Variants in PRPS2 observed in about 807,000 individuals in gnomAD.
PRPS2 encodes the protein phosphoribosyl pyrophosphate synthetase 2, also known as ribose-phosphate pyrophosphokinase 2.
For missense variants in PRPS2, 104 were observed against 271.5 expected (o/e 0.38, Z 4.34); for synonymous variants, 111 against 115.3 (o/e 0.96, Z 0.24).
chrX:12,799,992 T>G (rs1362038781), intron 2 of PRPS2, among the ~76,000 whole-genome samples: 2 of 112,349 alleles, frequency 1.8e-5, no homozygotes, highest in African/African-American at 6.5e-5. Context: ...GGAGGCTCTG[T>G]GAGTCTTTAG....
At chrX:12,791,700 C>G (rs2042519454) in intron 1 of PRPS2, 81 bp downstream of exon 1, 5 of 832,835 alleles carry the variant, frequency 6.0e-6, no homozygotes, top group Non-Finnish European at 7.3e-6. Context: ...GGCGCCTGCC[C>G]GGGCCACCTC....
intron 2 of PRPS2, among the ~76,000 whole-genome samples, chrX:12,801,246 GTGTGTGTA>G (rs1213916177): frequency 1.9e-5 from 2 of 107,246 alleles, no homozygotes; most frequent in African/African-American, 3.6e-5. Context: ...GTGTGTGTGT[GTGTGTGTA>G]TGTGTGTGTG....
Position 12,822,691 on chromosome X carries a change from C to T in PRPS2, c.865-13C>T. 1.7e-6 allele frequency: 2 copies of T among 1,202,361 alleles called. No homozygotes were observed. Among genetic ancestry groups the T allele is most frequent in the Non-Finnish European group, 2.3e-6 (2 of 886,945 alleles). ...GCTTCCCTTCTCCCTTTGTTTTTCT[C>T]ATTGGCATTTAGGTCATTGACATTT... On this transcript the variant is annotated splice_polypyrimidine_tract_variant and intron_variant, in intron 6 of 6. Coordinates refer to ENST00000380668, the MANE Select transcript of PRPS2 (RefSeq NM_002765.5).
At chrX:12,813,880 CCTT>C (rs776149856) in intron 4 of PRPS2, among the ~76,000 whole-genome samples, 19 of 111,599 alleles carry the variant, frequency 1.7e-4, no homozygotes, top group Non-Finnish European at 2.4e-4. Context: ...ACTTTAAAAA[CCTT>C]CTTACGTAGT....
chrX:12,797,483 G>C (rs2042550215), intron 1 of PRPS2, among the ~76,000 whole-genome samples: 1 of 111,931 alleles, frequency 8.9e-6, no homozygotes, highest in African/African-American at 3.2e-5. Flanking sequence ...AATGAGTGTG[G>C]CTCATTGTCC....
rs904341955 is a variant in PRPS2, at chrX:12,819,600, G to A, written c.624G>A (p.Val208=). ...KANEVDRMVL[V]GDVKDRVAIL... is the part of the protein sequence containing the mutation. The stretch of plus-strand genomic sequence containing the variant: ...ATGAAGTGGACCGGATGGTCCTGGT[G>A]GGCGACGTGAAGGACCGTGTGGCCA... Residue 208 remains valine (V), a synonymous_variant, in exon 5 of 7, where the codon GTG becomes GTA. Transcript: ENST00000380668. The A allele has an allele frequency of 9.9e-6, 12 of 1,210,596 alleles. No homozygotes were observed. Among genetic ancestry groups the A allele is most frequent in the Non-Finnish European group, 1.1e-5 (10 of 895,274 alleles).
chrX:12,792,900 G>T (rs1332207663), intron 1 of PRPS2, among the ~76,000 whole-genome samples: 2 of 112,489 alleles, frequency 1.8e-5, no homozygotes, highest in Admixed American at 1.9e-4. Context: ...TGGCAAGTCA[G>T]CTTTTTAGGA....
At chrX:12,810,624 A>G (rs2042618815) in intron 4 of PRPS2, among the ~76,000 whole-genome samples, 1 of 111,179 alleles carries the variant, frequency 9.0e-6, no homozygotes, top group Admixed American at 9.6e-5. Context: ...GGCTTGGGGG[A>G]TGGGCATCAG....
intron 6 of PRPS2, 101 bp downstream of exon 6, chrX:12,820,904 A>G (rs2042672390): frequency 1.1e-6 from 1 of 946,247 alleles, no homozygotes; most frequent in African/African-American, 1.9e-5. Flanking sequence ...TTGCTAAGGC[A>G]CATGCTTGGC....
intron 2 of PRPS2, among the ~76,000 whole-genome samples, chrX:12,805,726 C>T (rs1400065374): frequency 3.6e-5 from 4 of 111,922 alleles, no homozygotes; most frequent in East Asian, 2.8e-4. Context: ...TCTAATTTGC[C>T]GGTCCCTGCT....
At chrX:12,820,997 C>T (rs184133497) in intron 6 of PRPS2, among the ~76,000 whole-genome samples, 194 bp downstream of exon 6, 380 of 111,996 alleles carry the variant, frequency 3.4e-3, no homozygotes, top group African/African-American at 0.012. Flanking sequence ...GGTCAACGTT[C>T]GCTATTTAGA....
chrX:12,811,712 C>T (rs1012194086), intron 4 of PRPS2, among the ~76,000 whole-genome samples: 17 of 112,132 alleles, frequency 1.5e-4, no homozygotes, highest in African/African-American at 5.5e-4. Flanking sequence ...CATCTGCCTG[C>T]AGCCCAGCTG....
chrX:12,796,409 TG>T (rs2042544027), intron 1 of PRPS2, among the ~76,000 whole-genome samples: 2 of 109,562 alleles, frequency 1.8e-5, no homozygotes, highest in East Asian at 5.7e-4. Flanking sequence ...TTAGTAGAGA[TG>T]GGGTTTCTCC....
chrX:12,798,618 TGTA>T (rs1180425394), intron 1 of PRPS2, among the ~76,000 whole-genome samples: 1 of 111,812 alleles, frequency 8.9e-6, no homozygotes, highest in Admixed American at 9.5e-5. Context: ...TAAAACTAAA[TGTA>T]GTATTTTGCA....
In PRPS2 at chrX:12,804,870, G is replaced by T. The variant is rs1299343176; in HGVS notation, c.307-4364G>T. On this transcript the variant is annotated intron_variant, in intron 2 of 6. Coordinates refer to ENST00000380668, the MANE Select transcript of PRPS2 (RefSeq NM_002765.5). ...GCCCTCCAAGACTTTCTGTTGTGCT[G>T]TTTCCTTCCCTTAGGGCTGTATTAC... Among the ~76,000 whole-genome samples, 6 of 110,940 alleles carry T rather than the reference G, an allele frequency of 5.4e-5. No homozygotes were observed. The Admixed American group carries it at 5.7e-4, about 11-fold the overall frequency.
Position 12,819,606 on chromosome X carries a change from C to T in PRPS2, c.630C>T (p.Asp210=), listed in dbSNP as rs745704556. 7.4e-6 allele frequency: 9 copies of T among 1,210,189 alleles called. No homozygotes were observed. The highest frequency in any genetic ancestry group is 2.2e-5 in the Admixed American group (1 of 45,832). Residue 210 remains aspartate (D), a synonymous_variant, in exon 5 of 7, where the codon GAC becomes GAT. Coordinates refer to ENST00000380668, the MANE Select transcript of PRPS2 (RefSeq NM_002765.5). The part of the protein sequence containing the change: ...NEVDRMVLVG[D]VKDRVAILVD... ...TGGACCGGATGGTCCTGGTGGGCGA[C>T]GTGAAGGACCGTGTGGCCATCCTCG...
At position 12,809,960 on chromosome X, in the gene PRPS2, AAAAAC is replaced by A. The variant is rs764780393; in HGVS notation, c.406-57_406-53del. ...TTTAATGAAAGCGATTATCGTTTAA[AAAAAC>A]AAAAGAAAACAAAACAAAACAAAAC... On this transcript the variant is annotated intron_variant, in intron 3 of 6. Coordinates refer to ENST00000380668, the MANE Select transcript of PRPS2 (RefSeq NM_002765.5). 227 of 1,088,584 alleles carry A rather than the reference AAAAAC, an allele frequency of 2.1e-4. No homozygotes were observed. The African/African-American group carries it at 4.4e-3, about 21-fold the overall frequency. 89.7% of individuals were successfully genotyped at this position (1,088,584 alleles called of 1,213,427 possible).
intron 4 of PRPS2, among the ~76,000 whole-genome samples, chrX:12,817,270 T>A (rs2042651839): frequency 9.0e-6 from 1 of 111,043 alleles, no homozygotes; most frequent in Non-Finnish European, 1.9e-5. Context: ...AGGGTTTTTT[T>A]ATGCAGAATT....
chrX:12,810,751 G>A (rs998004968), intron 4 of PRPS2, among the ~76,000 whole-genome samples: 1 of 109,804 alleles, frequency 9.1e-6, no homozygotes, highest in Non-Finnish European at 1.9e-5. Context: ...TTGGGAAGCC[G>A]AGGCGGGAGA....
Sources: gnomAD v4.1 joint callset for allele counts (sites outside exome capture counted in the v4.1 genomes callset) on GRCh38, gnomAD v4.1.1 for gene constraint, MANE v1.5 for transcripts, NCBI Gene and HGNC (gene_info 2026-07-23, HGNC 2026-07-21) for gene names.